The following NBAS variants were observed in gnomAD, a reference collection of about 807,000 sequenced individuals.
NBAS encodes NBAS subunit of NRZ tethering complex.
A neutral mutation model predicts 302.5 loss-of-function variants in NBAS; 219 were observed. The observed-to-expected ratio is 0.72, with a 90% confidence interval of 0.65 to 0.81. The LOEUF (loss-of-function observed/expected upper bound fraction) is 0.81. NBAS is among the 30% of genes least tolerant of loss of function. The probability of loss-of-function intolerance (pLI) is 0.00; values close to 1 mark genes in which losing one functional copy is unlikely to be tolerated. For synonymous variants in NBAS, 1,118 were observed against 1,021.6 expected (o/e 1.09, Z -1.80); for missense variants, 2,932 against 2,841.6 (o/e 1.03, Z -0.72).
At chr2:15,198,876 C>T (rs1202450723) in intron 48 of NBAS, among the ~76,000 whole-genome samples, 1 of 152,062 alleles carries the variant, frequency 6.6e-6, no homozygotes, top group African/African-American at 2.4e-5. Context: ...CCTGTAATCC[C>T]AGCACTTTGG....
In NBAS at chr2:15,424,400, CT is replaced by C. The variant is rs1558325533; in HGVS notation, c.2491del (p.Arg831GlyfsTer4). On this transcript the variant is annotated frameshift_variant, in exon 23 of 52. Transcript: ENST00000281513. LOFTEE classifies it high-confidence loss of function. Reference protein sequence around the residue: ...FLYAAQPELLRFRMTQLTVEK... With the variant: ...FLYAAQPELLXFRMTQLTVEK... ...CACCGTAAGCTGGGTCATCCTGAAC[CT>C]TAGTAACTCAGGCTGTGCAGCATAC... The C allele has an allele frequency of 3.1e-6, 5 of 1,614,110 alleles. No individual in the cohort carries two copies. The South Asian group carries it at 5.5e-5, about 18-fold the overall frequency.
At chr2:14,828,782 C>G in the NBAS span, among the ~76,000 whole-genome samples, 1 of 151,936 alleles carries the variant, frequency 6.6e-6, no homozygotes, top group Non-Finnish European at 1.5e-5. Flanking sequence ...ATAGGACTTG[C>G]TGATGGATTA....
intron 23 of NBAS, among the ~76,000 whole-genome samples, chr2:15,421,826 T>C (rs1432795600): frequency 6.6e-6 from 1 of 152,194 alleles, no homozygotes; most frequent in African/African-American, 2.4e-5. Context: ...TTTAATACAC[T>C]TTATTTTTTA....
At chr2:15,384,141 G>C (rs1028340448) in intron 28 of NBAS, among the ~76,000 whole-genome samples, 1 of 152,186 alleles carries the variant, frequency 6.6e-6, no homozygotes, top group Admixed American at 6.5e-5. Flanking sequence ...TCTAAGTAGT[G>C]AGGCCTCTAT....
the NBAS span, among the ~76,000 whole-genome samples, chr2:15,090,169 CGTGT>C: frequency 6.6e-6 from 1 of 152,134 alleles, no homozygotes; most frequent in African/African-American, 2.4e-5. Flanking sequence ...CCATTTGCTA[CGTGT>C]GTGTCTGTTT....
chr2:14,847,209 C>A, the NBAS span, among the ~76,000 whole-genome samples: 38 of 151,770 alleles, frequency 2.5e-4, no homozygotes, highest in African/African-American at 8.9e-4. Flanking sequence ...CAGTGAAACC[C>A]CGTCTCTACT....
chr2:15,358,530 G>A lies in NBAS; in HGVS notation c.3818-2114C>T, dbSNP rs1022908394. Among the ~76,000 whole-genome samples the A allele has an allele frequency of 3.3e-5, 5 of 151,974 alleles. No homozygotes were observed. In the South Asian group the frequency reaches 6.2e-4, roughly 19 times the overall value. ...CACTATCACTGCTCACTGCAACCTC[G>A]ACCTCCCAGGTTCAAGCAATCCTCC... On this transcript the variant is annotated intron_variant, in intron 32 of 51. Coordinates refer to ENST00000281513, the MANE Select transcript of NBAS (RefSeq NM_015909.4).
At chr2:14,903,341 A>G in the NBAS span, among the ~76,000 whole-genome samples, 1 of 141,326 alleles carries the variant, frequency 7.1e-6, no homozygotes, top group African/African-American at 2.5e-5. Flanking sequence ...AAAAAAAAAA[A>G]GAAAGAAACA....
At chr2:15,559,397 A>G (rs1664805459) in intron 1 of NBAS, among the ~76,000 whole-genome samples, 1 of 152,238 alleles carries the variant, frequency 6.6e-6, no homozygotes. Flanking sequence ...CGTAATTGCT[A>G]TATTAAATAA....
intron 38 of NBAS, among the ~76,000 whole-genome samples, chr2:15,310,531 G>A (rs562742950): frequency 1.3e-5 from 2 of 152,228 alleles, no homozygotes; most frequent in South Asian, 4.2e-4. Flanking sequence ...ATTGCCTTAT[G>A]AATTAGAATC....
intron 21 of NBAS, among the ~76,000 whole-genome samples, chr2:15,450,952 T>C (rs779593467): frequency 6.6e-6 from 1 of 152,194 alleles, no homozygotes; most frequent in Non-Finnish European, 1.5e-5. Context: ...CCTTCTGGAA[T>C]ATCCATAAAA....
Position 15,488,885 on chromosome 2 carries a change from G to A in NBAS, c.1083+9C>T, listed in dbSNP as rs919381263. On this transcript the variant is annotated intron_variant, in intron 12 of 51. Transcript: ENST00000281513. ...AAGAGAGTATCATTCTAATAACCAA[G>A]AGACGCACCTGCTCATTTTGACCCC... is the stretch of plus-strand genomic sequence containing the variant. 1.2e-6 allele frequency: 2 copies of A among 1,613,400 alleles called. No individual in the cohort carries two copies. The highest frequency in any genetic ancestry group is 1.7e-6 in the Non-Finnish European group (2 of 1,179,546).
At position 15,551,546 on chromosome 2, in the gene NBAS, A is replaced by T; in HGVS notation, c.336-10T>A. 1.9e-6 allele frequency: 3 copies of T among 1,606,540 alleles called. No homozygotes were observed. The highest frequency in any genetic ancestry group is 2.6e-6 in the Non-Finnish European group (3 of 1,175,238). ...ATCATCTTTTGCAGACCTGTAAAACATGCAAAATCAAGGCAAAAGTTTTAT... is the reference window on the plus strand; with the variant it reads ...ATCATCTTTTGCAGACCTGTAAAACTTGCAAAATCAAGGCAAAAGTTTTAT... On this transcript the variant is annotated splice_polypyrimidine_tract_variant and intron_variant, in intron 5 of 51. Coordinates refer to ENST00000281513, the MANE Select transcript of NBAS (RefSeq NM_015909.4).
intron 9 of NBAS, among the ~76,000 whole-genome samples, chr2:15,529,796 A>C (rs1034878786): frequency 6.6e-6 from 1 of 152,234 alleles, no homozygotes; most frequent in African/African-American, 2.4e-5. Context: ...AGAAAATACA[A>C]GATCTAACAT....
At chr2:15,361,665 C>T (rs1319569601) in intron 32 of NBAS, among the ~76,000 whole-genome samples, 1 of 152,008 alleles carries the variant, frequency 6.6e-6, no homozygotes, top group Non-Finnish European at 1.5e-5. Flanking sequence ...TTTTAAAGAG[C>T]CTTAAAATTA....
intron 44 of NBAS, among the ~76,000 whole-genome samples, chr2:15,250,884 G>A (rs1447252247): frequency 6.6e-6 from 1 of 152,166 alleles, no homozygotes; most frequent in Admixed American, 6.5e-5. Context: ...GTTCGACCAT[G>A]TGGAAAACAG....
chr2:15,198,495 G>A (rs1055778572), intron 48 of NBAS, among the ~76,000 whole-genome samples: 6 of 152,116 alleles, frequency 3.9e-5, no homozygotes, highest in Non-Finnish European at 7.4e-5. Flanking sequence ...GAGATGAGGG[G>A]AGTCAACAGA....
the NBAS span, among the ~76,000 whole-genome samples, chr2:15,014,721 C>T: frequency 6.6e-6 from 1 of 151,728 alleles, no homozygotes; most frequent in Non-Finnish European, 1.5e-5. Flanking sequence ...CTTAATGATA[C>T]ATCTGAAGGA....
chr2:15,176,820 T>C (rs1664563259), intron 51 of NBAS, among the ~76,000 whole-genome samples: 1 of 152,156 alleles, frequency 6.6e-6, no homozygotes, highest in Admixed American at 6.6e-5. Flanking sequence ...GATGTCACAC[T>C]GGGGGGAACT....
Sources: allele counts gnomAD v4.1 joint callset (sites outside exome capture counted in the v4.1 genomes callset), GRCh38; gene constraint gnomAD v4.1.1; transcripts MANE v1.5; gene names NCBI Gene and HGNC (gene_info 2026-07-23, HGNC 2026-07-21).